Variants in RNF20 observed in about 807,000 individuals in gnomAD.
RNF20 encodes E3 ubiquitin-protein ligase BRE1A.
In RNF20, 84 loss-of-function variants were observed where a neutral mutation model predicts 126.2. The observed-to-expected ratio is 0.67, with a 90% CI of 0.56 to 0.80. The LOEUF (loss-of-function observed/expected upper bound fraction) is 0.80, where lower values mean the gene tolerates loss of function less well. Ranked by LOEUF, RNF20 falls within the 30% of genes least tolerant of loss-of-function variation. RNF20 has a pLI of 0.00. For synonymous variants in RNF20, 400 were observed against 414.3 expected (o/e 0.97, Z 0.42); for missense variants, 869 against 1,188.2 (o/e 0.73, Z 3.95).
intron 15 of RNF20, among the ~76,000 whole-genome samples, chr9:101,556,827 GA>G (rs796400842): frequency 4.6e-5 from 7 of 152,134 alleles, no homozygotes; most frequent in Admixed American, 1.3e-4. Context: ...CCAAAATAGG[GA>G]AAAAAACTCA....
At chr9:101,547,113 A>G in intron 7 of RNF20, 24 bp from the exon 8 acceptor site, 2 of 1,612,078 alleles carry the variant, frequency 1.2e-6, no homozygotes, top group Non-Finnish European at 1.7e-6. Context: ...GTCTCTCACT[A>G]AAGAATCTTT....
chr9:101,561,302 G>A (rs957190627), intron 18 of RNF20, 72 bp downstream of exon 18: 3 of 1,453,710 alleles, frequency 2.1e-6, no homozygotes, highest in East Asian at 4.5e-5. Context: ...TATCATGAAA[G>A]AATCATTAGT....
intron 11 of RNF20, 28 bp from the exon 12 acceptor site, chr9:101,552,113 T>G: frequency 6.2e-7 from 1 of 1,614,064 alleles, no homozygotes. Context: ...CCACGGTTCC[T>G]CATAACATTG....
intron 9 of RNF20, among the ~76,000 whole-genome samples, chr9:101,549,608 A>C (rs1827409277): frequency 6.6e-6 from 1 of 152,082 alleles, no homozygotes; most frequent in Admixed American, 6.5e-5. Context: ...TGGTCTGCTA[A>C]GTAGCAGGTG....
Position 101,544,798 on chromosome 9 carries a change from G to C in RNF20, c.660G>C (p.Glu220Asp). ...TGATAGTGGAGGAAGCAGTGCAGGA[G>C]CTGAACTCTTTCCTCGCACAGGAGA... Reference protein sequence around the residue: ...DNLIVEEAVQELNSFLAQENM... With the variant: ...DNLIVEEAVQDLNSFLAQENM... The change falls in exon 6 of 20, where the codon GAG becomes GAC. Residue 220 changes from glutamate (E) to aspartate (D), a missense_variant. This residue lies in a region of RNF20 where 103 missense variants were observed against 94.3 expected (regional missense o/e 1.09). Transcript: ENST00000389120. 2 of 1,611,842 alleles carry C rather than the reference G, an allele frequency of 1.2e-6. No homozygotes were observed. Among genetic ancestry groups the C allele is most frequent in the Non-Finnish European group, 1.7e-6 (2 of 1,177,994 alleles).
At chr9:101,535,718 A>T (rs936000174) in intron 2 of RNF20, among the ~76,000 whole-genome samples, 166 bp downstream of exon 2, 2 of 152,330 alleles carry the variant, frequency 1.3e-5, no homozygotes, top group African/African-American at 4.8e-5. Flanking sequence ...GTTCTAGAGG[A>T]GAGGTAGATT....
At chr9:101,536,650 C>G (rs1347859156) in intron 2 of RNF20, among the ~76,000 whole-genome samples, 2 of 152,206 alleles carry the variant, frequency 1.3e-5, no homozygotes, top group Non-Finnish European at 2.9e-5. Context: ...ATCCTTTACA[C>G]TGAAGACAGC....
intron 13 of RNF20, among the ~76,000 whole-genome samples, chr9:101,553,575 T>C (rs999876278): frequency 6.6e-6 from 1 of 152,162 alleles, no homozygotes; most frequent in Non-Finnish European, 1.5e-5. Flanking sequence ...TCTTGAACTC[T>C]TTAAGGCAAT....
At chr9:101,547,628 A>G in intron 9 of RNF20, 110 bp downstream of exon 9, 2 of 1,224,570 alleles carry the variant, frequency 1.6e-6, no homozygotes, top group Non-Finnish European at 2.3e-6. Context: ...AAATGTAGAC[A>G]AAATCCAACA....
chr9:101,549,836 G>T (rs1028631106), intron 9 of RNF20, among the ~76,000 whole-genome samples: 17 of 152,196 alleles, frequency 1.1e-4, no homozygotes, highest in Admixed American at 4.6e-4. Flanking sequence ...ATTATAGAGC[G>T]AGGATTATTA....
rs561724311 is a variant in RNF20, at chr9:101,537,657, C to G, written c.129+2105C>G. Among the ~76,000 whole-genome samples the G allele has an allele frequency of 3.3e-5, 5 of 152,172 alleles. No individual in the cohort carries two copies. In the East Asian group the frequency reaches 9.7e-4, roughly 29 times the overall value. Reference sequence around the variant, plus strand: ...AATGAGAAAGGACTAATCAAAGATACAAACAAAGAGGGACCAATGAGGTAA... The same window carrying G: ...AATGAGAAAGGACTAATCAAAGATAGAAACAAAGAGGGACCAATGAGGTAA... On this transcript the variant is annotated intron_variant, in intron 2 of 19. Transcript: ENST00000389120.
chr9:101,549,419 C>G (rs955684470), intron 9 of RNF20, among the ~76,000 whole-genome samples: 1 of 152,158 alleles, frequency 6.6e-6, no homozygotes, highest in Non-Finnish European at 1.5e-5. Context: ...CTACTGCTAT[C>G]TAGAAGGCAG....
Position 101,546,889 on chromosome 9 carries a change from G to A in RNF20, c.817G>A (p.Asp273Asn). The A allele has an allele frequency of 6.2e-7, 1 of 1,614,134 alleles. No homozygotes were observed. Among genetic ancestry groups the A allele is most frequent in the Non-Finnish European group, 8.5e-7 (1 of 1,179,994 alleles). ...GTCTGTCCTGGAGTCCATGATTGAT[G>A]ACCTGCAGTGGGATATTGACAAAAT... ...RVSVLESMID[D>N]LQWDIDKIRK... Residue 273 changes from aspartate (D) to asparagine (N), a missense_variant, in exon 7 of 20, where the codon GAC (aspartate) becomes AAC (asparagine). Physicochemically the swap from Asp to Asn is conservative, Grantham distance 23 (BLOSUM62 1). Coordinates refer to ENST00000389120, the MANE Select transcript of RNF20 (RefSeq NM_019592.7).
At chr9:101,553,937 C>A in intron 13 of RNF20, 51 bp from the exon 14 acceptor site, 1 of 1,019,256 alleles carries the variant, frequency 9.8e-7, no homozygotes, top group Non-Finnish European at 1.5e-6. Context: ...GCTCTGATGA[C>A]CTTTATTTTC....
intron 6 of RNF20, among the ~76,000 whole-genome samples, chr9:101,546,394 A>G (rs1486115629): frequency 6.6e-6 from 1 of 152,184 alleles, no homozygotes; most frequent in East Asian, 1.9e-4. Flanking sequence ...TTGTGAATGA[A>G]TGGATTACCT....
chr9:101,555,425 T>C (rs1827517681), intron 15 of RNF20, among the ~76,000 whole-genome samples: 1 of 152,122 alleles, frequency 6.6e-6, no homozygotes, highest in Non-Finnish European at 1.5e-5. Flanking sequence ...CTCCTCCTTA[T>C]AATGAATATG....
rs755848810 is a variant in RNF20 at position 101,554,768 on chromosome 9, G to A, written c.2094G>A (p.Glu698=). The change falls in exon 15 of 20, where the codon GAG becomes GAA. Residue 698 remains glutamate (E), a synonymous_variant. Transcript: ENST00000389120. ...EKKENKKMAD[E]DALRKIRAVE... is the part of the protein sequence containing the mutation. ...AAGAGAACAAGAAAATGGCTGATGA[G>A]GATGCCTTGAGGAAGATCCGGGCAG... 4 of 1,603,618 alleles carry A rather than the reference G, an allele frequency of 2.5e-6. No individual in the cohort carries two copies. The highest frequency in any genetic ancestry group is 3.4e-6 in the Non-Finnish European group (4 of 1,173,450).
chr9:101,551,894 T>TCTGTG, intron 11 of RNF20, 75 bp downstream of exon 11: 2 of 1,487,426 alleles, frequency 1.3e-6, no homozygotes, highest in Non-Finnish European at 1.8e-6. Context: ...GACCCCAGGG[T>TCTGTG]TTGTTAATGC....
chr9:101,545,209 A>G (rs1449892084), intron 6 of RNF20, among the ~76,000 whole-genome samples: 1 of 152,260 alleles, frequency 6.6e-6, no homozygotes, highest in Admixed American at 6.5e-5. Flanking sequence ...TGATTAAACC[A>G]TGCCAAGATT....
Sources: gnomAD v4.1 joint callset for allele counts (sites outside exome capture counted in the v4.1 genomes callset) on GRCh38, gnomAD v4.1.1 for gene constraint, gnomAD v4.1.1 regional missense constraint, MANE v1.5 for transcripts, NCBI Gene and HGNC (gene_info 2026-07-23, HGNC 2026-07-21) for gene names.